TCF4: variants seen among roughly 807,000 people sequenced by gnomAD.
TCF4 encodes transcription factor 4.
A neutral mutation model predicts 82.1 loss-of-function variants in TCF4; 3 were observed. The observed-to-expected ratio is 0.04, with a 90% CI of 0.02 to 0.09. TCF4 has a LOEUF of 0.09. Ranked by LOEUF, TCF4 falls within the 10% of genes least tolerant of loss-of-function variation. The probability of loss-of-function intolerance (pLI) is 1.00; values close to 1 mark genes in which losing one functional copy is unlikely to be tolerated. For missense variants in TCF4, 518 were observed against 852.7 expected, an observed-to-expected ratio of 0.61 and a Z score of 4.89; for synonymous variants, 276 against 309.6, an observed-to-expected ratio of 0.89 and a Z score of 1.14.
intron 10 of TCF4, 110 bp downstream of exon 10, chr18:55,275,509 G>T (rs1455806601): frequency 9.2e-6 from 13 of 1,408,282 alleles, no homozygotes; most frequent in Non-Finnish European, 1.3e-5. Flanking sequence ...ATGGGTGTGT[G>T]CCATTTTTGC....
At chr18:55,399,307 T>C (rs766852329) in intron 6 of TCF4, among the ~76,000 whole-genome samples, 3 of 152,122 alleles carry the variant, frequency 2.0e-5, no homozygotes, top group Admixed American at 1.3e-4. Context: ...ACTAAGAAAA[T>C]ATGTTTCCTC....
At chr18:55,516,068 G>GT (rs2096878233) in intron 3 of TCF4, among the ~76,000 whole-genome samples, 1 of 152,144 alleles carries the variant, frequency 6.6e-6, no homozygotes, top group Non-Finnish European at 1.5e-5. Flanking sequence ...GTGGTGGTGT[G>GT]TATGTGATAA....
intron 5 of TCF4, among the ~76,000 whole-genome samples, chr18:55,452,118 C>T (rs1317523278): frequency 6.6e-6 from 1 of 151,998 alleles, no homozygotes; most frequent in East Asian, 1.9e-4. Flanking sequence ...TCCTGGTTAC[C>T]TTTAATGATA....
intron 6 of TCF4, among the ~76,000 whole-genome samples, chr18:55,399,271 C>A (rs2093664965): frequency 6.6e-6 from 1 of 152,232 alleles, no homozygotes; most frequent in African/African-American, 2.4e-5. Context: ...TTTCGATGAA[C>A]CAAAAATGAG....
chr18:55,242,768 C>T (rs988578643), intron 15 of TCF4, among the ~76,000 whole-genome samples: 8 of 152,134 alleles, frequency 5.3e-5, no homozygotes, highest in Admixed American at 2.6e-4. Flanking sequence ...CACCTTTACG[C>T]CCAGCTAATT....
At chr18:55,356,356 C>T (rs1186697326) in intron 6 of TCF4, among the ~76,000 whole-genome samples, 1 of 152,154 alleles carries the variant, frequency 6.6e-6, no homozygotes, top group Non-Finnish European at 1.5e-5. Context: ...CCTAGAGCTA[C>T]ACTGGCAACA....
chr18:55,322,577 G>A (rs1040998211), intron 8 of TCF4, among the ~76,000 whole-genome samples: 5 of 152,144 alleles, frequency 3.3e-5, no homozygotes, highest in Non-Finnish European at 5.9e-5. Flanking sequence ...CGGGCTCCGC[G>A]GGCCCCGGCC....
intron 15 of TCF4, among the ~76,000 whole-genome samples, chr18:55,251,491 C>A (rs2055086782): frequency 6.6e-6 from 1 of 152,178 alleles, no homozygotes; most frequent in East Asian, 1.9e-4. Context: ...ACCACAACTT[C>A]AAGCTGCTGC....
At chr18:55,573,298 CAA>C (rs34330994) in intron 3 of TCF4, among the ~76,000 whole-genome samples, 251 of 106,914 alleles carry the variant, frequency 2.3e-3, no homozygotes, top group Middle Eastern at 5.1e-3. Context: ...GAAGTTTCAC[CAA>C]AAAAAAAAAA....
intron 8 of TCF4, among the ~76,000 whole-genome samples, chr18:55,304,001 A>G (rs1379203477): frequency 6.6e-6 from 1 of 152,232 alleles, no homozygotes; most frequent in African/African-American, 2.4e-5. Flanking sequence ...CATTAGTTAT[A>G]TGGCCTAATT....
chr18:55,254,967 C>T (rs772466135), intron 14 of TCF4, among the ~76,000 whole-genome samples: 6 of 152,098 alleles, frequency 3.9e-5, no homozygotes, highest in Admixed American at 6.5e-5. Flanking sequence ...GTGCTATATA[C>T]GGTACTGCCT....
At chr18:55,547,113 C>T (rs2097214106) in intron 3 of TCF4, among the ~76,000 whole-genome samples, 1 of 152,228 alleles carries the variant, frequency 6.6e-6, no homozygotes, top group Admixed American at 6.5e-5. Flanking sequence ...AGCTTTACTA[C>T]AAATCCACTT....
chr18:55,468,260 C>T (rs1224485594), intron 3 of TCF4, among the ~76,000 whole-genome samples: 1 of 152,176 alleles, frequency 6.6e-6, no homozygotes, highest in East Asian at 1.9e-4. Flanking sequence ...AAAATGCACA[C>T]AGTGAAGGAC....
intron 17 of TCF4, chr18:55,230,456 C>T (rs762485364): frequency 1.3e-5 from 2 of 152,092 alleles, no homozygotes; most frequent in African/African-American, 2.4e-5. Context: ...CAGAGCAGCA[C>T]GTGCTATAAA....
chr18:55,325,459 AC>A (rs1422908924), intron 8 of TCF4, among the ~76,000 whole-genome samples: 3 of 152,268 alleles, frequency 2.0e-5, no homozygotes, highest in African/African-American at 7.2e-5. Context: ...TGATAATATT[AC>A]ATGGTTACTG....
intron 5 of TCF4, among the ~76,000 whole-genome samples, chr18:55,446,268 A>G (rs914623399): frequency 6.6e-6 from 1 of 152,182 alleles, no homozygotes; most frequent in African/African-American, 2.4e-5. Flanking sequence ...GGAAGAAAGA[A>G]ACATTGATTT....
chr18:55,555,937 G>A (rs2097299951), intron 3 of TCF4, among the ~76,000 whole-genome samples: 1 of 152,140 alleles, frequency 6.6e-6, no homozygotes, highest in Non-Finnish European at 1.5e-5. Context: ...TTTAGAGACT[G>A]GGTCTTGTGA....
At chr18:55,465,818 T>C (rs1288979369) in intron 3 of TCF4, among the ~76,000 whole-genome samples, 1 of 152,222 alleles carries the variant, frequency 6.6e-6, no homozygotes, top group Non-Finnish European at 1.5e-5. Context: ...TTTAAAAGTC[T>C]GGCGCATCTT....
At chr18:55,343,285 A>C (rs993639388) in intron 8 of TCF4, among the ~76,000 whole-genome samples, 1 of 152,178 alleles carries the variant, frequency 6.6e-6, no homozygotes, top group African/African-American at 2.4e-5. Flanking sequence ...ACAGTTTGCT[A>C]TGAAGAGAGC....
Sources: gnomAD v4.1 joint callset for allele counts (sites outside exome capture counted in the v4.1 genomes callset) on GRCh38, gnomAD v4.1.1 for gene constraint, MANE v1.5 for transcripts, NCBI Gene and HGNC (gene_info 2026-07-23, HGNC 2026-07-21) for gene names.